OTOA: variants seen among roughly 807,000 people sequenced by gnomAD.
OTOA encodes the protein cancer/testis antigen 108.
OTOA carries 70 observed loss-of-function variants against 110.8 expected under a neutral mutation model. The ratio of observed to expected loss-of-function variants is 0.63; its 90% confidence interval spans 0.52 to 0.77. The LOEUF is 0.77. OTOA is among the 30% of genes least tolerant of loss of function. OTOA has a pLI of 0.00. For synonymous variants in OTOA, 373 were observed against 431.5 expected, an observed-to-expected ratio of 0.86 and a Z score of 1.68; for missense variants, 917 against 1,075.8, an observed-to-expected ratio of 0.85 and a Z score of 2.06.
intron 11 of OTOA, among the ~76,000 whole-genome samples, chr16:21,702,507 C>T (rs1243216986): frequency 6.6e-6 from 1 of 152,116 alleles, no homozygotes; most frequent in Admixed American, 6.6e-5. Context: ...CTTAATCCTT[C>T]CCTGCTGCTT....
chr16:21,678,197 T>G (rs942700392), intron 1 of OTOA, among the ~76,000 whole-genome samples: 2 of 152,000 alleles, frequency 1.3e-5, no homozygotes, highest in African/African-American at 4.8e-5. Context: ...AGAGTCTACT[T>G]TTGACTATAC....
At chr16:21,755,484 G>C (rs1262693657) in intron 27 of OTOA, among the ~76,000 whole-genome samples, 1 of 108,488 alleles carries the variant, frequency 9.2e-6, no homozygotes, top group East Asian at 2.7e-4. Context: ...GTGTGTGTGT[G>C]TGTGTGTAGT....
chr16:21,673,514 TA>T (rs1420302915), intron 1 of OTOA, among the ~76,000 whole-genome samples: 8 of 152,224 alleles, frequency 5.3e-5, no homozygotes, highest in African/African-American at 1.9e-4. Context: ...TGCATTTCTA[TA>T]ATTTTATTTC....
intron 28 of OTOA, among the ~76,000 whole-genome samples, chr16:21,758,082 G>A (rs1465109960): frequency 6.6e-6 from 1 of 151,908 alleles, no homozygotes; most frequent in Non-Finnish European, 1.5e-5. Context: ...TAGTGACTGA[G>A]GGCTGAGCTA....
chr16:21,749,771 C>A (rs2141755122), intron 24 of OTOA, among the ~76,000 whole-genome samples: 1 of 129,150 alleles, frequency 7.7e-6, no homozygotes, highest in East Asian at 2.6e-4. Context: ...GCAACTTCCA[C>A]CTCCCAGGCT....
intron 14 of OTOA, among the ~76,000 whole-genome samples, chr16:21,715,901 C>T (rs943782931): frequency 4.0e-5 from 6 of 151,856 alleles, no homozygotes; most frequent in African/African-American, 7.3e-5. Context: ...CAGCCATGTC[C>T]GTATTCTGTT....
At chr16:21,695,891 A>ATATATTTTTTTTTTTTTTT in intron 9 of OTOA, among the ~76,000 whole-genome samples, 2 of 41,896 alleles carry the variant, frequency 4.8e-5, no homozygotes, top group Non-Finnish European at 7.4e-5. Flanking sequence ...ATATATATAT[A>ATATATTTTTTTTTTTTTTT]TTTTTTTTTT....
At chr16:21,681,672 C>G (rs117245113) in intron 5 of OTOA, 66 bp from the exon 6 acceptor site, 323 of 1,388,128 alleles carry the variant, frequency 2.3e-4, no homozygotes, top group Non-Finnish European at 3.1e-4. Context: ...GGGCACTTAG[C>G]TAGTACAGTA....
At chr16:21,728,876 C>T (rs1197379305) in intron 20 of OTOA, among the ~76,000 whole-genome samples, 2 of 152,020 alleles carry the variant, frequency 1.3e-5, no homozygotes, top group African/African-American at 2.4e-5. Flanking sequence ...CGTGAGTCAC[C>T]GCGCCTGGCC....
chr16:21,698,091 G>C (rs1002740148), intron 10 of OTOA, among the ~76,000 whole-genome samples: 4 of 152,126 alleles, frequency 2.6e-5, no homozygotes, highest in African/African-American at 9.7e-5. Context: ...GCTAAGAAAA[G>C]AAAAAGAATT....
At chr16:21,729,296 C>A (rs1293046744) in intron 20 of OTOA, among the ~76,000 whole-genome samples, 1 of 152,138 alleles carries the variant, frequency 6.6e-6, no homozygotes, top group Non-Finnish European at 1.5e-5. Flanking sequence ...CTAAGCCTCC[C>A]ACAGTGTTGG....
chr16:21,728,185 G>C, intron 19 of OTOA, 56 bp from the exon 20 acceptor site: 1 of 1,606,536 alleles, frequency 6.2e-7, no homozygotes. Context: ...GTTTCTAATG[G>C]CTCACGATCT....
intron 17 of OTOA, chr16:21,721,675 G>T (rs1567390188): frequency 2.9e-6 from 1 of 343,430 alleles, no homozygotes; most frequent in Non-Finnish European, 5.9e-6. Flanking sequence ...GTTCATTTGA[G>T]GATAGGACTT....
chr16:21,696,422 G>A lies in OTOA; in HGVS notation c.740-1353G>A, dbSNP rs568519556. ...CATTGTAGGTGGTGAGCAGGGCCAA[G>A]GCCAGCCAAGATTTGGAGAATGTTT... On this transcript the variant is annotated intron_variant, in intron 9 of 28. Coordinates refer to ENST00000646100, the MANE Select transcript of OTOA (RefSeq NM_144672.4). 5.9e-5 allele frequency among the ~76,000 whole-genome samples: 9 copies of A among 152,226 alleles called. 1 individual carries two copies. The Middle Eastern group carries it at 0.01, about 173-fold the overall frequency.
At position 21,690,463 on chromosome 16, in the gene OTOA, C is replaced by T. The variant is rs184242200; in HGVS notation, c.636-1121C>T. Among the ~76,000 whole-genome samples the T allele has an allele frequency of 7.2e-5, 11 of 151,832 alleles. No homozygotes were observed. The East Asian group carries it at 1.4e-3, about 19-fold the overall frequency. On this transcript the variant is annotated intron_variant, in intron 8 of 28. Transcript: ENST00000646100. Reference sequence around the variant, plus strand: ...TGGGGTGTTTCATTTTCTGTTCCTGCGTTAGTTTGCTGAGGATAATGGCTT... The same window carrying T: ...TGGGGTGTTTCATTTTCTGTTCCTGTGTTAGTTTGCTGAGGATAATGGCTT...
At chr16:21,697,291 G>A (rs1270289424) in intron 9 of OTOA, among the ~76,000 whole-genome samples, 2 of 152,094 alleles carry the variant, frequency 1.3e-5, no homozygotes, top group Admixed American at 6.6e-5. Context: ...TCCTACGTGT[G>A]ATCTCACAGG....
intron 1 of OTOA, among the ~76,000 whole-genome samples, chr16:21,668,447 C>T (rs1170616522): frequency 2.8e-4 from 39 of 140,734 alleles, no homozygotes; most frequent in Non-Finnish European, 3.5e-4. Context: ...TGTTTGTTTG[C>T]TTTGTTTCTT....
At chr16:21,677,923 G>A (rs1235908362) in intron 1 of OTOA, among the ~76,000 whole-genome samples, 1 of 151,262 alleles carries the variant, frequency 6.6e-6, no homozygotes, top group East Asian at 1.9e-4. Flanking sequence ...GTCTCGCTCT[G>A]TTGCCCAGGC....
intron 14 of OTOA, among the ~76,000 whole-genome samples, 171 bp from the exon 15 acceptor site, chr16:21,716,736 C>G (rs1243958261): frequency 2.6e-5 from 4 of 152,058 alleles, no homozygotes; most frequent in Non-Finnish European, 5.9e-5. Flanking sequence ...ACTCATCACA[C>G]TTTAAGTCTC....
Sources: gnomAD v4.1 joint callset for allele counts (sites outside exome capture counted in the v4.1 genomes callset) on GRCh38, gnomAD v4.1.1 for gene constraint, MANE v1.5 for transcripts, NCBI Gene and HGNC (gene_info 2026-07-23, HGNC 2026-07-21) for gene names.